The following RASSF5 variants were observed in gnomAD, a reference collection of about 807,000 sequenced individuals.
The protein encoded by RASSF5 is Ras association domain family member 5, also known as ras association domain-containing protein 5.
RASSF5 carries 25 observed loss-of-function variants against 40.5 expected under a neutral mutation model. The ratio of observed to expected loss-of-function variants is 0.62; its 90% CI spans 0.45 to 0.86. The LOEUF is 0.86. Among genes scored for constraint, RASSF5 ranks in the 40% least tolerant of loss-of-function variants. The probability of loss-of-function intolerance (pLI) is 0.00; values close to 1 mark genes in which losing one functional copy is unlikely to be tolerated. For missense variants in RASSF5, 521 were observed against 572.8 expected (o/e 0.91, Z 0.92); for synonymous variants, 246 against 252.4 (o/e 0.97, Z 0.24).
At chr1:206,568,256 G>C (rs1668336169) in intron 2 of RASSF5, among the ~76,000 whole-genome samples, 1 of 152,222 alleles carries the variant, frequency 6.6e-6, no homozygotes, top group African/African-American at 2.4e-5. Flanking sequence ...ATATGTTTCA[G>C]TATCACATAT....
chr1:206,531,619 A>G lies in RASSF5; in HGVS notation c.458-6553A>G, dbSNP rs1343204218. On this transcript the variant is annotated intron_variant, in intron 1 of 5. Transcript: ENST00000579436. The surrounding 1 kb of genome is among the most constrained non-coding windows in gnomAD (Gnocchi z 4.7). ...AGCCCAGAGGCTCCAGTGGGGCAAC[A>G]CCCAGTGGAAAAATGGGGGATTCTT... Among the ~76,000 whole-genome samples, 6 of 152,168 alleles carry G rather than the reference A, an allele frequency of 3.9e-5. No homozygotes were observed. The South Asian group carries it at 8.3e-4, about 21-fold the overall frequency.
intron 3 of RASSF5, chr1:206,583,784 G>A: frequency 5.1e-6 from 1 of 196,790 alleles, no homozygotes; most frequent in Non-Finnish European, 1.1e-5. Flanking sequence ...AGAGGGGAGG[G>A]CACCCAACTT....
Position 206,586,947 on chromosome 1 carries a change from C to G in RASSF5, c.1226C>G (p.Ala409Gly). 1 of 1,614,104 alleles carries G rather than the reference C, an allele frequency of 6.2e-7. No homozygotes were observed. The highest frequency in any genetic ancestry group is 1.6e-4 in the Middle Eastern group (1 of 6,062). The change falls in exon 6 of 6, where the codon GCC becomes GGC. Residue 409 changes from alanine to glycine, a missense_variant. Ala to Gly is a moderately conservative substitution (Grantham distance 60). Coordinates refer to ENST00000579436, the MANE Select transcript of RASSF5 (RefSeq NM_182663.4). ...YDKFRQKLEE[A>G]LRESQGKPG ...AAGTTTAGGCAGAAACTGGAGGAGG[C>G]CTTAAGAGAATCCCAGGGCAAACCT...
chr1:206,538,886 G>T (rs782010023), intron 2 of RASSF5, among the ~76,000 whole-genome samples: 4 of 152,220 alleles, frequency 2.6e-5, no homozygotes, highest in African/African-American at 4.8e-5. Flanking sequence ...AGTATCTACT[G>T]TGTACCAAGC....
intron 2 of RASSF5, among the ~76,000 whole-genome samples, chr1:206,581,692 G>A (rs1030926666): frequency 2.0e-5 from 3 of 149,410 alleles, no homozygotes; most frequent in East Asian, 1.9e-4. Flanking sequence ...AAAGGAGGAT[G>A]TCAGCTGTGC....
chr1:206,583,313 G>T lies in RASSF5; in HGVS notation c.624G>T (p.Leu208=). The change falls in exon 3 of 6, where the codon CTG becomes CTT. Residue 208 remains leucine (L), a synonymous_variant. Coordinates refer to ENST00000579436, the MANE Select transcript of RASSF5 (RefSeq NM_182663.4). Reference sequence around the variant, plus strand: ...AGGAGACACAGCGCCCGCCCACACTGCAGGAGATCAAGCAGAAGATCGACA... The same window carrying T: ...AGGAGACACAGCGCCCGCCCACACTTCAGGAGATCAAGCAGAAGATCGACA... ...PVEETQRPPT[L]QEIKQKIDSY... 1.2e-6 allele frequency: 2 copies of T among 1,613,436 alleles called. No homozygotes were observed. Among genetic ancestry groups the T allele is most frequent in the Non-Finnish European group, 1.7e-6 (2 of 1,179,656 alleles).
intron 1 of RASSF5, among the ~76,000 whole-genome samples, chr1:206,517,890 C>A (rs781929837): frequency 2.6e-5 from 4 of 152,138 alleles, no homozygotes; most frequent in Non-Finnish European, 4.4e-5. Context: ...GCCCCTCCCC[C>A]ACCCTGGGCT....
At chr1:206,533,809 C>T (rs1553398267) in intron 1 of RASSF5, among the ~76,000 whole-genome samples, 2 of 152,068 alleles carry the variant, frequency 1.3e-5, no homozygotes, top group East Asian at 1.9e-4. Context: ...CAACCTTATT[C>T]GGAAATATGG....
At chr1:206,529,331 C>T (rs572799778) in intron 1 of RASSF5, 2 of 771,468 alleles carry the variant, frequency 2.6e-6, no homozygotes, top group Non-Finnish European at 4.6e-6. Context: ...GAGTTAACAC[C>T]ATCACCACTT....
chr1:206,537,062 C>T (rs535698965), intron 1 of RASSF5, among the ~76,000 whole-genome samples: 71 of 152,314 alleles, frequency 4.7e-4, no homozygotes, highest in African/African-American at 1.7e-3. Context: ...CCTGAGTCTC[C>T]TGCTGCCTTT....
chr1:206,565,225 C>T (rs1185044646), intron 2 of RASSF5, among the ~76,000 whole-genome samples: 1 of 152,206 alleles, frequency 6.6e-6, no homozygotes, highest in Non-Finnish European at 1.5e-5. Flanking sequence ...GGCCTCTCCT[C>T]TCTGTCCCCG....
intron 1 of RASSF5, among the ~76,000 whole-genome samples, chr1:206,511,346 A>G (rs1240502255): frequency 3.3e-5 from 5 of 152,166 alleles, no homozygotes; most frequent in African/African-American, 9.7e-5. Context: ...ATTCTCAGGG[A>G]CTTCCCCTTA....
intron 2 of RASSF5, among the ~76,000 whole-genome samples, chr1:206,556,290 C>T (rs1667984933): frequency 6.6e-6 from 1 of 152,196 alleles, no homozygotes. Flanking sequence ...GACTCCGAGC[C>T]TTACTTTTCT....
chr1:206,547,486 A>G (rs781858269), intron 2 of RASSF5, among the ~76,000 whole-genome samples: 2 of 151,902 alleles, frequency 1.3e-5, no homozygotes. Flanking sequence ...CTAATGGCTG[A>G]TGATCTGTCA....
rs1445059144 is a variant in RASSF5 at position 206,523,918 on chromosome 1, T to G, written c.458-14254T>G. On this transcript the variant is annotated intron_variant, in intron 1 of 5. Transcript: ENST00000579436. ...TGTAACATATATATTTTATATATAA[T>G]ATATATACCATATATAATATATTTT... Among the ~76,000 whole-genome samples the G allele has an allele frequency of 1.7e-3, 188 of 113,702 alleles. 1 individual carries two copies. The highest frequency in any genetic ancestry group is 6.8e-3 in the African/African-American group (183 of 27,094). The allele number at this position is 113,702 out of a possible 152,430, so 74.6% of individuals were successfully genotyped here. A position where few individuals can be genotyped will look rare whatever the true frequency, so the allele number is the denominator to read the frequency against.
chr1:206,519,723 G>A (rs968767158), intron 1 of RASSF5, among the ~76,000 whole-genome samples: 12 of 152,160 alleles, frequency 7.9e-5, no homozygotes, highest in African/African-American at 2.9e-4. Flanking sequence ...TGCCATCTCT[G>A]GACTAAGTTT....
At chr1:206,547,869 CTG>C (rs1667737582) in intron 2 of RASSF5, among the ~76,000 whole-genome samples, 1 of 151,780 alleles carries the variant, frequency 6.6e-6, no homozygotes, top group South Asian at 2.1e-4. Context: ...TTTTTTTCTT[CTG>C]GTAGATCCAG....
At chr1:206,536,872 C>A (rs1244415703) in intron 1 of RASSF5, among the ~76,000 whole-genome samples, 2 of 151,024 alleles carry the variant, frequency 1.3e-5, no homozygotes, top group Non-Finnish European at 3.0e-5. Flanking sequence ...GAAGGCTGGG[C>A]CTTCTGGCCG....
intron 2 of RASSF5, chr1:206,557,410 G>A: frequency 7.3e-7 from 1 of 1,372,950 alleles, no homozygotes; most frequent in Non-Finnish European, 9.4e-7. Flanking sequence ...CAGGCGGCCC[G>A]CCGGCTCTGC....
Sources: allele counts gnomAD v4.1 joint callset (sites outside exome capture counted in the v4.1 genomes callset), GRCh38; gene constraint gnomAD v4.1.1; non-coding constraint Gnocchi (gnomAD v3.1); transcripts MANE v1.5; gene names NCBI Gene and HGNC (gene_info 2026-07-23, HGNC 2026-07-21).